The following IPO11 variants were observed in gnomAD, a reference collection of about 807,000 sequenced individuals.
IPO11 encodes the protein importin-11.
A neutral mutation model predicts 143.2 loss-of-function variants in IPO11; 66 were observed. That is an observed-to-expected ratio of 0.46 (90% CI 0.38 to 0.57). The LOEUF (loss-of-function observed/expected upper bound fraction) is 0.57. Ranked by LOEUF, IPO11 falls within the 20% of genes least tolerant of loss-of-function variation. The pLI is 0.00. For missense variants in IPO11, 1,026 were observed against 1,141.0 expected (o/e 0.90, Z 1.45); for synonymous variants, 385 against 377.8 (o/e 1.02, Z -0.22).
At chr5:62,452,554 C>T (rs1744971714) in intron 5 of IPO11, among the ~76,000 whole-genome samples, 1 of 150,932 alleles carries the variant, frequency 6.6e-6, no homozygotes, top group South Asian at 2.1e-4. Context: ...AGAATTGATA[C>T]GTCTGGGTAA....
At chr5:62,575,995 C>G (rs113852912) in intron 27 of IPO11, 4 of 152,346 alleles carry the variant, frequency 2.6e-5, no homozygotes, top group African/African-American at 9.6e-5. Flanking sequence ...ATGGCCTTAG[C>G]AGAAGGATCG....
chr5:62,502,040 C>G (rs528454427), intron 16 of IPO11, among the ~76,000 whole-genome samples: 3 of 152,296 alleles, frequency 2.0e-5, no homozygotes, highest in African/African-American at 7.2e-5. Flanking sequence ...TGATAAGATG[C>G]ATTCGTTGTG....
chr5:62,435,178 A>AT, intron 1 of IPO11, among the ~76,000 whole-genome samples: 1 of 75,984 alleles, frequency 1.3e-5, no homozygotes. Flanking sequence ...ATATGTATAT[A>AT]TGTATATATA....
intron 27 of IPO11, chr5:62,562,181 C>G (rs1213673355): frequency 6.6e-6 from 1 of 152,284 alleles, no homozygotes; most frequent in Non-Finnish European, 1.5e-5. Flanking sequence ...GATGGCATAA[C>G]AGCCCTTTTT....
chr5:62,584,708 A>G (rs541691168), intron 27 of IPO11, among the ~76,000 whole-genome samples: 115 of 147,072 alleles, frequency 7.8e-4, no homozygotes, highest in African/African-American at 2.7e-3. Context: ...CTAGTGCTGT[A>G]CTGTCTGAAG....
chr5:62,586,026 T>TA (rs1265491832), intron 27 of IPO11, among the ~76,000 whole-genome samples: 5 of 152,126 alleles, frequency 3.3e-5, no homozygotes, highest in African/African-American at 1.2e-4. Flanking sequence ...GAGGCACTCA[T>TA]AAGTTTGGTG....
rs1398953429 is a variant in IPO11, at chr5:62,467,271, T to TA, written c.649+10dup. ...CACTGCTATCATTGAAAGGTACTAT[T>TA]AAGCTTGATATGTTCATTTTTGAAA... On this transcript the variant is annotated intron_variant, in intron 6 of 29. Coordinates refer to ENST00000325324, the MANE Select transcript of IPO11 (RefSeq NM_016338.5). 2 of 1,606,916 alleles carry TA rather than the reference T, an allele frequency of 1.2e-6. No individual in the cohort carries two copies. Among genetic ancestry groups the TA allele is most frequent in the South Asian group, 2.2e-5 (2 of 89,530 alleles).
chr5:62,497,857 A>G (rs528344126), intron 16 of IPO11, among the ~76,000 whole-genome samples: 18 of 152,112 alleles, frequency 1.2e-4, no homozygotes, highest in Non-Finnish European at 2.4e-4. Flanking sequence ...TTTCTTTTTT[A>G]AAAAATAAGG....
chr5:62,531,304 C>T (rs926121897), intron 22 of IPO11, among the ~76,000 whole-genome samples: 5 of 152,144 alleles, frequency 3.3e-5, no homozygotes, highest in African/African-American at 1.2e-4. Context: ...TCCTGAGTAG[C>T]TAGAGCTACA....
chr5:62,575,471 A>G (rs995696168), intron 27 of IPO11, among the ~76,000 whole-genome samples: 2 of 151,890 alleles, frequency 1.3e-5, no homozygotes, highest in African/African-American at 4.8e-5. Context: ...TCATTTCCTC[A>G]GTCTTTTCTT....
At chr5:62,621,126 T>TG (rs1176112819) in intron 29 of IPO11, among the ~76,000 whole-genome samples, 1 of 152,158 alleles carries the variant, frequency 6.6e-6, no homozygotes. Flanking sequence ...TTGATGATGA[T>TG]GATACAATGG....
chr5:62,416,513 A>C (rs1743299623), intron 1 of IPO11, among the ~76,000 whole-genome samples: 1 of 152,004 alleles, frequency 6.6e-6, no homozygotes, highest in Non-Finnish European at 1.5e-5. Flanking sequence ...GGCATCAGTT[A>C]TATTGGTTTA....
intron 26 of IPO11, among the ~76,000 whole-genome samples, chr5:62,554,738 C>G (rs911388746): frequency 5.9e-5 from 9 of 151,730 alleles, no homozygotes; most frequent in Admixed American, 2.0e-4. Context: ...GGTGGGGAGA[C>G]AGAGTCTAGC....
intron 27 of IPO11, among the ~76,000 whole-genome samples, chr5:62,588,798 C>G (rs1324498573): frequency 6.6e-6 from 1 of 152,132 alleles, no homozygotes; most frequent in African/African-American, 2.4e-5. Flanking sequence ...GTGTACAGAT[C>G]GGGGCTGTTA....
chr5:62,498,483 G>A (rs152199), intron 16 of IPO11, among the ~76,000 whole-genome samples: 88,856 of 152,078 alleles, frequency 0.58, 26,230 homozygotes, highest in South Asian at 0.68. Context: ...TCTTTTCCCA[G>A]GACTACAGAT....
At chr5:62,579,967 GT>G (rs1421552065) in intron 27 of IPO11, 1 of 1,551,124 alleles carries the variant, frequency 6.4e-7, no homozygotes, top group African/African-American at 1.4e-5. Flanking sequence ...TGGTACCTTT[GT>G]TGGTATGGTT....
chr5:62,426,323 CT>C (rs1743739294), intron 1 of IPO11, among the ~76,000 whole-genome samples: 1 of 152,106 alleles, frequency 6.6e-6, no homozygotes, highest in Admixed American at 6.6e-5. Context: ...GGAGGTGGAG[CT>C]TGCAGTGAGC....
chr5:62,436,009 G>A (rs1744218167), intron 1 of IPO11, among the ~76,000 whole-genome samples: 1 of 152,108 alleles, frequency 6.6e-6, no homozygotes, highest in Non-Finnish European at 1.5e-5. Flanking sequence ...GTGACAGAGT[G>A]AGACTCTGTC....
intron 1 of IPO11, among the ~76,000 whole-genome samples, chr5:62,426,112 C>T (rs1040729918): frequency 3.3e-5 from 5 of 152,136 alleles, no homozygotes; most frequent in African/African-American, 7.2e-5. Flanking sequence ...ACCGGCTGGT[C>T]GTGGTGGCTC....
Sources: gnomAD v4.1 joint callset for allele counts (sites outside exome capture counted in the v4.1 genomes callset) on GRCh38, gnomAD v4.1.1 for gene constraint, MANE v1.5 for transcripts, NCBI Gene and HGNC (gene_info 2026-07-23, HGNC 2026-07-21) for gene names.